RSRC1: variants seen among roughly 807,000 people sequenced by gnomAD.
The protein encoded by RSRC1 is serine/Arginine-related protein 53.
In RSRC1, 39 loss-of-function variants were observed where a neutral mutation model predicts 49.1. The observed-to-expected ratio is 0.79, with a 90% confidence interval of 0.61 to 1.04. The LOEUF is 1.04. RSRC1 is among the 50% of genes least tolerant of loss of function. The probability of loss-of-function intolerance (pLI) is 0.00; values close to 1 mark genes in which losing one functional copy is unlikely to be tolerated. For synonymous variants in RSRC1, 143 were observed against 130.8 expected, an observed-to-expected ratio of 1.09 and a Z score of -0.63; for missense variants, 388 against 402.4, an observed-to-expected ratio of 0.96 and a Z score of 0.31.
intron 3 of RSRC1, among the ~76,000 whole-genome samples, chr3:158,143,153 C>CT (rs1716858458): frequency 6.6e-6 from 1 of 152,162 alleles, no homozygotes; most frequent in African/African-American, 2.4e-5. Flanking sequence ...CAGTTCAAGT[C>CT]TAACACTTAT....
At chr3:158,183,079 T>A (rs558325115) in intron 3 of RSRC1, among the ~76,000 whole-genome samples, 4 of 152,242 alleles carry the variant, frequency 2.6e-5, no homozygotes, top group South Asian at 4.1e-4. Context: ...CCCTTTCTAA[T>A]TCTTTACACA....
At chr3:158,154,462 A>T (rs977822255) in intron 3 of RSRC1, among the ~76,000 whole-genome samples, 1 of 143,536 alleles carries the variant, frequency 7.0e-6, no homozygotes, top group Non-Finnish European at 1.5e-5. Flanking sequence ...TTTACCGATC[A>T]TAGAACTTTT....
chr3:158,361,709 T>C (rs1281562820), intron 6 of RSRC1, among the ~76,000 whole-genome samples: 1 of 152,218 alleles, frequency 6.6e-6, no homozygotes. Context: ...CTTTATCTTC[T>C]AGAATTCATT....
intron 4 of RSRC1, among the ~76,000 whole-genome samples, chr3:158,215,390 C>T (rs1437864401): frequency 4.6e-5 from 7 of 150,992 alleles, no homozygotes; most frequent in African/African-American, 1.5e-4. Flanking sequence ...AGTCCTCCTG[C>T]CTTGGCCTCC....
chr3:158,279,844 T>C (rs568185339), intron 4 of RSRC1, among the ~76,000 whole-genome samples: 1 of 152,228 alleles, frequency 6.6e-6, no homozygotes, highest in Non-Finnish European at 1.5e-5. Flanking sequence ...GGATTGCAAG[T>C]AAATAAATAA....
chr3:158,330,298 C>T (rs1046725591), intron 5 of RSRC1, among the ~76,000 whole-genome samples: 13 of 152,240 alleles, frequency 8.5e-5, no homozygotes, highest in Non-Finnish European at 1.8e-4. Flanking sequence ...ATGCAGAAAT[C>T]ACCCGTCTTC....
At position 158,352,858 on chromosome 3, in the gene RSRC1, G is replaced by A. The variant is rs568047636; in HGVS notation, c.532-1999G>A. Among the ~76,000 whole-genome samples the A allele has an allele frequency of 3.3e-5, 5 of 152,140 alleles. No homozygotes were observed. In the East Asian group the frequency reaches 7.7e-4, roughly 23 times the overall value. Reference sequence around the variant, plus strand: ...CTGATACTAATGTCAAATGTCATTTGCCATTTATCATCATAAATGTTTGCA... The same window carrying A: ...CTGATACTAATGTCAAATGTCATTTACCATTTATCATCATAAATGTTTGCA... On this transcript the variant is annotated intron_variant, in intron 5 of 9. Coordinates refer to ENST00000611884, the MANE Select transcript of RSRC1 (RefSeq NM_001271838.2).
chr3:158,523,820 G>A (rs1184278411), intron 7 of RSRC1, among the ~76,000 whole-genome samples: 2 of 152,028 alleles, frequency 1.3e-5, no homozygotes, highest in East Asian at 3.9e-4. Context: ...CTCTGGTGAA[G>A]CTTTCCCAGA....
chr3:158,382,261 C>CT (rs1384712194), intron 6 of RSRC1, among the ~76,000 whole-genome samples: 1 of 152,080 alleles, frequency 6.6e-6, no homozygotes, highest in African/African-American at 2.4e-5. Context: ...ATAGTGCCTT[C>CT]TGTAATATCT....
chr3:158,292,104 G>T (rs1414225758), intron 4 of RSRC1, among the ~76,000 whole-genome samples: 1 of 152,100 alleles, frequency 6.6e-6, no homozygotes. Context: ...CCTCAGTCTT[G>T]TCCCAGTTAG....
intron 7 of RSRC1, among the ~76,000 whole-genome samples, chr3:158,508,985 G>A (rs912178393): frequency 9.9e-5 from 15 of 152,082 alleles, no homozygotes; most frequent in African/African-American, 2.9e-4. Flanking sequence ...TTTGAGACAC[G>A]AATGTTTTTA....
At chr3:158,317,715 TG>T (rs1416747077) in intron 5 of RSRC1, among the ~76,000 whole-genome samples, 1 of 151,938 alleles carries the variant, frequency 6.6e-6, no homozygotes, top group Non-Finnish European at 1.5e-5. Flanking sequence ...TATGCCACCA[TG>T]GCTGGCTAAT....
chr3:158,115,471 C>G (rs892480799), intron 1 of RSRC1, among the ~76,000 whole-genome samples: 8 of 152,056 alleles, frequency 5.3e-5, no homozygotes, highest in African/African-American at 1.7e-4. Flanking sequence ...TCTTTACACT[C>G]TGAAACATTG....
At chr3:158,431,170 A>G (rs1735754667) in intron 6 of RSRC1, among the ~76,000 whole-genome samples, 1 of 151,940 alleles carries the variant, frequency 6.6e-6, no homozygotes, top group Non-Finnish European at 1.5e-5. Flanking sequence ...ATTGTTTTAC[A>G]TTGCTAGAAC....
chr3:158,207,521 A>C (rs1721409166), intron 4 of RSRC1, among the ~76,000 whole-genome samples: 2 of 152,094 alleles, frequency 1.3e-5, no homozygotes, highest in Admixed American at 6.6e-5. Context: ...TTAAATTAGG[A>C]CTTATGTATT....
chr3:158,255,896 T>C (rs1318947780), intron 4 of RSRC1, among the ~76,000 whole-genome samples: 1 of 152,172 alleles, frequency 6.6e-6, no homozygotes, highest in Non-Finnish European at 1.5e-5. Flanking sequence ...GCTTGTGATT[T>C]TTGCAAATTG....
At position 158,351,384 on chromosome 3, in the gene RSRC1, A is replaced by G. The variant is rs1354063689; in HGVS notation, c.532-3473A>G. Among the ~76,000 whole-genome samples, 5 of 152,248 alleles carry G rather than the reference A, an allele frequency of 3.3e-5. No homozygotes were observed. The East Asian group carries it at 9.6e-4, about 29-fold the overall frequency. ...GTGAGTGAACATTTGCATCTGTACAACCTATTGAAGAAAAAGGCTTGAGCA... is the reference window on the plus strand; with the variant it reads ...GTGAGTGAACATTTGCATCTGTACAGCCTATTGAAGAAAAAGGCTTGAGCA... On this transcript the variant is annotated intron_variant, in intron 5 of 9. Transcript: ENST00000611884.
intron 4 of RSRC1, among the ~76,000 whole-genome samples, chr3:158,257,734 C>T (rs1724650103): frequency 6.6e-6 from 1 of 151,962 alleles, no homozygotes; most frequent in South Asian, 2.1e-4. Flanking sequence ...TCTTTCCTGT[C>T]TTTCTTTTAG....
intron 5 of RSRC1, among the ~76,000 whole-genome samples, chr3:158,324,280 C>T (rs1039204003): frequency 6.6e-6 from 1 of 151,788 alleles, no homozygotes; most frequent in South Asian, 2.1e-4. Flanking sequence ...ATGTGCACAA[C>T]GTGCAGGTTT....
Sources: gnomAD v4.1 joint callset for allele counts (sites outside exome capture counted in the v4.1 genomes callset) on GRCh38, gnomAD v4.1.1 for gene constraint, MANE v1.5 for transcripts, NCBI Gene and HGNC (gene_info 2026-07-23, HGNC 2026-07-21) for gene names.